Variants in PAX3 observed in about 807,000 individuals in gnomAD.
PAX3 encodes the protein paired box 3, also known as paired box protein Pax-3.
Under a neutral mutation model 51.6 loss-of-function variants are expected in PAX3, and 14 were observed. The observed-to-expected ratio is 0.27, with a 90% CI of 0.18 to 0.42. The LOEUF (loss-of-function observed/expected upper bound fraction) is 0.42. PAX3 is among the 10% of genes least tolerant of loss of function. PAX3 has a pLI of 1.00. For synonymous variants in PAX3, 280 were observed against 253.4 expected (o/e 1.11, Z -1.00); for missense variants, 540 against 642.8 (o/e 0.84, Z 1.73).
chr2:222,240,205 G>GTGCTCCGT (rs1301133176), intron 4 of PAX3, among the ~76,000 whole-genome samples: 3 of 152,188 alleles, frequency 2.0e-5, no homozygotes, highest in Admixed American at 6.5e-5. Flanking sequence ...GCCTGGCCGT[G>GTGCTCCGT]TGCTCCGTTG....
chr2:222,201,862 C>T, intron 8 of PAX3, 82 bp downstream of exon 8: 1 of 1,612,878 alleles, frequency 6.2e-7, no homozygotes, highest in Non-Finnish European at 8.5e-7. Context: ...CTTAATCTTG[C>T]CTCTAATTCA....
chr2:222,295,831 A>G lies in PAX3; in HGVS notation c.322-174T>C, dbSNP rs1695266697. Among the ~76,000 whole-genome samples, 4 of 152,308 alleles carry G rather than the reference A, an allele frequency of 2.6e-5. No individual in the cohort carries two copies. In the South Asian group the frequency reaches 8.3e-4, roughly 32 times the overall value. On this transcript the variant is annotated intron_variant, in intron 2 of 8. Coordinates refer to ENST00000392070, the MANE Select transcript of PAX3 (RefSeq NM_181458.4). The stretch of plus-strand genomic sequence containing the variant: ...GGCACTTTAGAAAGGGGCAGACCAG[A>G]ACACATCCCATCCCATCCCGGAGCA...
chr2:222,228,262 G>A (rs563647823), intron 5 of PAX3, among the ~76,000 whole-genome samples: 5 of 152,276 alleles, frequency 3.3e-5, no homozygotes, highest in African/African-American at 1.2e-4. Context: ...GAAGCCATAA[G>A]GAATGTCAAG....
chr2:222,212,116 T>C (rs911670509), intron 7 of PAX3, among the ~76,000 whole-genome samples: 23 of 152,166 alleles, frequency 1.5e-4, no homozygotes, highest in African/African-American at 5.3e-4. Context: ...AAAAAAGAAA[T>C]TTTGCCTGGA....
intron 4 of PAX3, among the ~76,000 whole-genome samples, chr2:222,279,304 CGTGT>C (rs57076966): frequency 7.4e-5 from 11 of 148,130 alleles, no homozygotes; most frequent in African/African-American, 2.2e-4. Flanking sequence ...CAAGCCTGTG[CGTGT>C]GTGTGTGTGT....
chr2:222,218,883 G>A (rs987760587), intron 7 of PAX3, among the ~76,000 whole-genome samples: 2 of 152,102 alleles, frequency 1.3e-5, no homozygotes, highest in Non-Finnish European at 2.9e-5. Flanking sequence ...AAGGATTTAT[G>A]AACTTTTGCC....
chr2:222,222,316 C>G, intron 5 of PAX3, among the ~76,000 whole-genome samples: 1 of 152,070 alleles, frequency 6.6e-6, no homozygotes, highest in Non-Finnish European at 1.5e-5. Flanking sequence ...GGTGATTTTT[C>G]CACGGAGCAC....
intron 4 of PAX3, among the ~76,000 whole-genome samples, chr2:222,259,665 G>A: frequency 6.6e-6 from 1 of 151,738 alleles, no homozygotes; most frequent in Non-Finnish European, 1.5e-5. Flanking sequence ...TGTCATAAAG[G>A]AAAAAAAATT....
chr2:222,257,408 T>A (rs2106137164), intron 4 of PAX3, among the ~76,000 whole-genome samples: 1 of 152,362 alleles, frequency 6.6e-6, no homozygotes, highest in South Asian at 2.1e-4. Flanking sequence ...TGATTATTTT[T>A]CTACCCCAGC....
chr2:222,257,862 T>A (rs1490472917), intron 4 of PAX3, among the ~76,000 whole-genome samples: 2 of 152,162 alleles, frequency 1.3e-5, no homozygotes, highest in Admixed American at 1.3e-4. Flanking sequence ...GCTGACTGCA[T>A]CGTCCCGGCT....
chr2:222,241,874 A>G (rs1428169072), intron 4 of PAX3, among the ~76,000 whole-genome samples: 1 of 152,234 alleles, frequency 6.6e-6, no homozygotes, highest in Non-Finnish European at 1.5e-5. Flanking sequence ...TAACTCTATG[A>G]AATAGGACAT....
chr2:222,292,781 G>A (rs1695091066), intron 4 of PAX3, among the ~76,000 whole-genome samples: 1 of 152,210 alleles, frequency 6.6e-6, no homozygotes, highest in Non-Finnish European at 1.5e-5. Flanking sequence ...TTTAGGCTGA[G>A]TCCATAGGAG....
chr2:222,284,605 CTGTGTGCGTGTGTGTGTGTGTG>C (rs1238744393), intron 4 of PAX3, among the ~76,000 whole-genome samples: 1 of 95,118 alleles, frequency 1.1e-5, no homozygotes, highest in Non-Finnish European at 2.0e-5. Flanking sequence ...GGGTGTGTGT[CTGTGTGCGTGTGTGTGTGTGTG>C]TGTGTGTGTG....
At chr2:222,221,879 T>C (rs1235292633) in intron 5 of PAX3, among the ~76,000 whole-genome samples, 1 of 152,144 alleles carries the variant, frequency 6.6e-6, no homozygotes, top group Non-Finnish European at 1.5e-5. Context: ...GATGGTCATA[T>C]AAATTGAACA....
intron 4 of PAX3, among the ~76,000 whole-genome samples, chr2:222,248,837 G>T (rs1436934423): frequency 1.3e-5 from 2 of 152,148 alleles, no homozygotes; most frequent in Non-Finnish European, 2.9e-5. Context: ...AAGTTTAGTG[G>T]TTATTTTGAC....
At position 222,220,242 on chromosome 2, in the gene PAX3, G is replaced by C; in HGVS notation, c.1071C>G (p.Pro357=). Residue 357 remains proline (P), a synonymous_variant, in exon 7 of 9, where the codon CCC becomes CCG. Coordinates refer to ENST00000392070, the MANE Select transcript of PAX3 (RefSeq NM_181458.4). ...AGCTGGAAAATCCATGCCTGGTGCT[G>C]GGGAGGCAGTAGGCAGAGCTGCTGT... ...NPDSSSAYCL[P]STRHGFSSYT... is the part of the protein sequence containing the mutation. 1 of 1,613,932 alleles carries C rather than the reference G, an allele frequency of 6.2e-7. No homozygotes were observed. Among genetic ancestry groups the C allele is most frequent in the Non-Finnish European group, 8.5e-7 (1 of 1,179,898 alleles).
chr2:222,284,619 G>C (rs1000031842), intron 4 of PAX3, among the ~76,000 whole-genome samples: 2 of 73,912 alleles, frequency 2.7e-5, no homozygotes, highest in Non-Finnish European at 6.0e-5. Flanking sequence ...GTGCGTGTGT[G>C]TGTGTGTGTG....
intron 7 of PAX3, among the ~76,000 whole-genome samples, chr2:222,210,101 A>G (rs1691669185): frequency 6.6e-6 from 1 of 152,176 alleles, no homozygotes; most frequent in South Asian, 2.1e-4. Flanking sequence ...ACTTGTGCTT[A>G]TGGTCATAAT....
chr2:222,293,288 C>A (rs561553064), intron 4 of PAX3, among the ~76,000 whole-genome samples: 1 of 152,192 alleles, frequency 6.6e-6, no homozygotes, highest in South Asian at 2.1e-4. Flanking sequence ...TCCCCTCCCC[C>A]CTGCCGTCTC....
Sources: gnomAD v4.1 joint callset for allele counts (sites outside exome capture counted in the v4.1 genomes callset) on GRCh38, gnomAD v4.1.1 for gene constraint, MANE v1.5 for transcripts, NCBI Gene and HGNC (gene_info 2026-07-23, HGNC 2026-07-21) for gene names.